SLFN13: variants seen among roughly 807,000 people sequenced by gnomAD.
The protein encoded by SLFN13 is schlafen-13.
A neutral mutation model predicts 50.6 loss-of-function variants in SLFN13; 43 were observed. The ratio of observed to expected loss-of-function variants is 0.85; its 90% CI spans 0.67 to 1.09. The LOEUF (loss-of-function observed/expected upper bound fraction) is 1.09, where lower values mean the gene tolerates loss of function less well. Ranked by LOEUF, SLFN13 falls within the 50% of genes least tolerant of loss-of-function variation. The probability of loss-of-function intolerance (pLI) is 0.00; values close to 1 mark genes in which losing one functional copy is unlikely to be tolerated. For missense variants in SLFN13, 881 were observed against 1,071.1 expected (o/e 0.82, Z 2.48); for synonymous variants, 339 against 386.5 (o/e 0.88, Z 1.44).
chr17:35,442,978 T>C (rs1913002858), intron 4 of SLFN13, among the ~76,000 whole-genome samples: 1 of 152,258 alleles, frequency 6.6e-6, no homozygotes, highest in African/African-American at 2.4e-5. Flanking sequence ...AGAAACTATT[T>C]GGTGGTAAAC....
At position 35,441,109 on chromosome 17, in the gene SLFN13, A is replaced by G. The variant is rs370000011; in HGVS notation, c.2180T>C (p.Leu727Pro). ...PLSAQYPREE[L>P]TRVVRNADEI... ...ATCTGCATTGCGAACTACTCTGGTG[A>G]GCTCTTCTCTTGGATACTGTGCTGA... The change falls in exon 6 of 6, where the codon CTC (leucine) becomes CCC (proline). Residue 727 changes from leucine (L) to proline (P), a missense_variant. Physicochemically the swap from Leu to Pro is moderately conservative, Grantham distance 98 (BLOSUM62 -3). This residue lies in a region of SLFN13 where 322 missense variants were observed against 327.4 expected (regional missense o/e 0.98). Transcript: ENST00000285013. 4 of 1,613,994 alleles carry G rather than the reference A, an allele frequency of 2.5e-6. No individual in the cohort carries two copies. Among genetic ancestry groups the G allele is most frequent in the Non-Finnish European group, 2.5e-6 (3 of 1,180,000 alleles).
chr17:35,443,941 A>G, intron 3 of SLFN13, 21 bp from the exon 4 acceptor site: 1 of 1,609,814 alleles, frequency 6.2e-7, no homozygotes, highest in South Asian at 1.1e-5. Flanking sequence ...GAACATTTTA[A>G]TTTACACTAT....
rs199763727 is a variant in SLFN13, at chr17:35,445,318, A to G, written c.363T>C (p.Gly121=). 33 of 1,613,854 alleles carry G rather than the reference A, an allele frequency of 2.0e-5. No homozygotes were observed. The East Asian group carries it at 5.6e-4, about 27-fold the overall frequency. The change falls in exon 3 of 6, where the codon GGT becomes GGC. Residue 121 remains glycine, a synonymous_variant. Transcript: ENST00000285013. Reference sequence around the variant, plus strand: ...GGCTGCAAATGCGGGAATTGAAAGAACCATCTTTAAGGAAAGGATCACCAC... The same window carrying G: ...GGCTGCAAATGCGGGAATTGAAAGAGCCATCTTTAAGGAAAGGATCACCAC... ...SWSGDPFLKD[G]SFNSRICSLS...
rs988023482 is a variant in SLFN13 at position 35,437,953 on chromosome 17, C to G, written c.*2642G>C. 2.6e-5 allele frequency: 4 copies of G among 151,954 alleles called. No individual in the cohort carries two copies. The highest frequency in any genetic ancestry group is 9.7e-5 in the African/African-American group (4 of 41,386). 9.4% of individuals were successfully genotyped at this position (151,954 alleles called of 1,614,324 possible). A position where few individuals can be genotyped will look rare whatever the true frequency, so the allele number is the denominator to read the frequency against. ...GAGATAGGCAGGTACCCATCAAAAC[C>G]CAATTAAGCCTGACACAGTGGCTCA... On this transcript the variant is annotated 3_prime_UTR_variant, in exon 6 of 6. Coordinates refer to ENST00000285013, the MANE Select transcript of SLFN13 (RefSeq NM_144682.6).
intron 2 of SLFN13, chr17:35,446,578 CAGAT>C (rs1913226782): frequency 6.6e-6 from 1 of 152,202 alleles, no homozygotes; most frequent in African/African-American, 2.4e-5. Flanking sequence ...AAGATTAACT[CAGAT>C]AGTTTACAAC....
chr17:35,439,298 T>A lies in SLFN13; in HGVS notation c.*1297A>T, dbSNP rs985213486. 2.6e-5 allele frequency: 4 copies of A among 152,048 alleles called. No homozygotes were observed. The highest frequency in any genetic ancestry group is 1.5e-5 in the Non-Finnish European group (1 of 68,018). The allele number at this position is 152,048 out of a possible 1,614,324, so 9.4% of individuals were successfully genotyped here. A position where few individuals can be genotyped will look rare whatever the true frequency, so the allele number is the denominator to read the frequency against. ...AGGTTGGGGCTTCAACATGGGAATTTAGGGGTGAGGATGGGACACAAACAT... is the reference window on the plus strand; with the variant it reads ...AGGTTGGGGCTTCAACATGGGAATTAAGGGGTGAGGATGGGACACAAACAT... On this transcript the variant is annotated 3_prime_UTR_variant, in exon 6 of 6. Coordinates refer to ENST00000285013, the MANE Select transcript of SLFN13 (RefSeq NM_144682.6).
Position 35,440,426 on chromosome 17 carries a change from A to C in SLFN13, c.*169T>G. 1.3e-6 allele frequency: 1 copy of C among 760,934 alleles called. No homozygotes were observed. The allele number at this position is 760,934 out of a possible 1,614,324, so 47.1% of individuals were successfully genotyped here. On this transcript the variant is annotated 3_prime_UTR_variant, in exon 6 of 6. Coordinates refer to ENST00000285013, the MANE Select transcript of SLFN13 (RefSeq NM_144682.6). Reference sequence around the variant, plus strand: ...ACTGCTGAAAAGAGTTGGGGGAGGAACCCCTGAAAGGAGAGCCAGAAATGG... The same window carrying C: ...ACTGCTGAAAAGAGTTGGGGGAGGACCCCCTGAAAGGAGAGCCAGAAATGG...
At chr17:35,442,318 A>T (rs1462552467) in intron 4 of SLFN13, 32 bp from the exon 5 acceptor site, 2 of 1,531,136 alleles carry the variant, frequency 1.3e-6, no homozygotes, top group Non-Finnish European at 1.8e-6. Context: ...AGATGTTTTC[A>T]CTGTGTTTAT....
At chr17:35,444,217 G>T (rs1306590051) in intron 3 of SLFN13, among the ~76,000 whole-genome samples, 1 of 152,114 alleles carries the variant, frequency 6.6e-6, no homozygotes, top group East Asian at 1.9e-4. Context: ...TAATCATCAG[G>T]TTTTTATATC....
In SLFN13 at chr17:35,440,696, C is replaced by T. The variant is rs2142073856; in HGVS notation, c.2593G>A (p.Val865Met). 1.2e-6 allele frequency: 2 copies of T among 1,614,132 alleles called. No homozygotes were observed. The highest frequency in any genetic ancestry group is 8.5e-7 in the Non-Finnish European group (1 of 1,180,024). Residue 865 changes from valine to methionine, a missense_variant, in exon 6 of 6, where the codon GTG (valine) becomes ATG (methionine). Coordinates refer to ENST00000285013, the MANE Select transcript of SLFN13 (RefSeq NM_144682.6). ...RRFSGLERSIVFGIHPRTADP... is the reference protein window; with the variant it reads ...RRFSGLERSIMFGIHPRTADP... ...GCTGTCCTTGGATGGATCCCAAACA[C>T]TATGCTCCTTTCCAGGCCTGAGAAT... is the stretch of plus-strand genomic sequence containing the variant.
At position 35,439,002 on chromosome 17, in the gene SLFN13, T is replaced by G. The variant is rs1443042150; in HGVS notation, c.*1593A>C. On this transcript the variant is annotated 3_prime_UTR_variant, in exon 6 of 6. Transcript: ENST00000285013. ...ACTGGATGGCTGAACCAACAGAAAT[T>G]TATTTCTCACAGTCTGGGGGCTGGA... 2 of 148,822 alleles carry G rather than the reference T, an allele frequency of 1.3e-5. No individual in the cohort carries two copies. Among genetic ancestry groups the G allele is most frequent in the African/African-American group, 4.9e-5 (2 of 40,548 alleles). The allele number at this position is 148,822 out of a possible 1,614,324, so 9.2% of individuals were successfully genotyped here.
rs752712237 is a variant in SLFN13, at chr17:35,445,125, A to T, written c.556T>A (p.Ser186Thr). 1.2e-5 allele frequency: 20 copies of T among 1,613,430 alleles called. No individual in the cohort carries two copies. The Admixed American group carries it at 3.3e-4, about 27-fold the overall frequency. ...TGGAAAACTTCATATGCAGGATTTG[A>T]CTCAGATATGTTCTGGTATACAGCT... ...MKAVYQNISE[S>T]NPAYEVFQTD... The change falls in exon 3 of 6, where the codon TCA (serine) becomes ACA (threonine). Residue 186 changes from serine to threonine, a missense_variant. By Grantham distance (58) the Ser-to-Thr change is moderately conservative. Around this residue, in one of 5 missense-constraint regions of SLFN13, gnomAD observed 497 missense variants for 518.3 expected, o/e 0.96. Coordinates refer to ENST00000285013, the MANE Select transcript of SLFN13 (RefSeq NM_144682.6).
rs1201645922 is a variant in SLFN13 at position 35,438,058 on chromosome 17, T to C, written c.*2537A>G. 3 of 149,012 alleles carry C rather than the reference T, an allele frequency of 2.0e-5. No homozygotes were observed. The highest frequency in any genetic ancestry group is 4.4e-5 in the Non-Finnish European group (3 of 67,742). 9.2% of individuals were successfully genotyped at this position (149,012 alleles called of 1,614,324 possible). ...AGTTCAGGGCTCTAGTGAACTATGATCACACCACTACCCTCCAGCCTGGGA... is the reference window on the plus strand; with the variant it reads ...AGTTCAGGGCTCTAGTGAACTATGACCACACCACTACCCTCCAGCCTGGGA... On this transcript the variant is annotated 3_prime_UTR_variant, in exon 6 of 6. Coordinates refer to ENST00000285013, the MANE Select transcript of SLFN13 (RefSeq NM_144682.6).
In SLFN13 at chr17:35,436,450, T is replaced by C. The variant is rs1428463413; in HGVS notation, c.*4145A>G. The C allele has an allele frequency of 6.6e-6, 1 of 151,376 alleles. No homozygotes were observed. The highest frequency in any genetic ancestry group is 2.4e-5 in the African/African-American group (1 of 41,036). 9.4% of individuals were successfully genotyped at this position (151,376 alleles called of 1,614,324 possible). ...TTTAATTAGAAAAAAATCTCAAATA[T>C]TATGCGTTCAGAAGCAAAAACACCC... On this transcript the variant is annotated 3_prime_UTR_variant, in exon 6 of 6. Transcript: ENST00000285013.
In SLFN13 at chr17:35,445,587, TTC is replaced by T. The variant is rs779915260; in HGVS notation, c.92_93del (p.Arg31LysfsTer39). On this transcript the variant is annotated frameshift_variant, in exon 3 of 6. Coordinates refer to ENST00000285013, the MANE Select transcript of SLFN13 (RefSeq NM_144682.6). LOFTEE classifies it high-confidence loss of function. ...TCTCTCTGAGTTTTCTGTAGCTTTT[TTC>T]TGTTTTCTTCTCCCAGAGTCACTTC... ...VGEVTLGEEN[R>X]KKLQKTQRDQ... is the part of the protein sequence containing the mutation. 3.1e-6 allele frequency: 5 copies of T among 1,614,172 alleles called. No homozygotes were observed. In the South Asian group the frequency reaches 4.4e-5, roughly 14 times the overall value.
At position 35,445,961 on chromosome 17, in the gene SLFN13, T is replaced by C. The variant is rs570793632; in HGVS notation, c.-13-268A>G. On this transcript the variant is annotated intron_variant, in intron 2 of 5. Coordinates refer to ENST00000285013, the MANE Select transcript of SLFN13 (RefSeq NM_144682.6). Reference sequence around the variant, plus strand: ...AACGAATCTGGAGACCATGGTTCCATAAGACTTCCAGGAGTAGGTTCCATT... The same window carrying C: ...AACGAATCTGGAGACCATGGTTCCACAAGACTTCCAGGAGTAGGTTCCATT... The C allele has an allele frequency of 1.8e-4, 52 of 294,390 alleles. 1 individual carries two copies. The South Asian group carries it at 3.9e-3, about 22-fold the overall frequency. 18.2% of individuals were successfully genotyped at this position (294,390 alleles called of 1,614,324 possible). A position where few individuals can be genotyped will look rare whatever the true frequency, so the allele number is the denominator to read the frequency against.
Position 35,441,138 on chromosome 17 carries a change from AG to A in SLFN13, c.2150del (p.Pro717LeufsTer14), listed in dbSNP as rs35203474. On this transcript the variant is annotated frameshift_variant, in exon 6 of 6. Coordinates refer to ENST00000285013, the MANE Select transcript of SLFN13 (RefSeq NM_144682.6). LOFTEE classifies it low-confidence loss of function (END_TRUNC). ...TSHLGHSGLP[P>X]LSAQYPREEL... ...CTTCTCTTGGATACTGTGCTGAGAG[AG>A]GGGGAAGGCCACTGTGACCCAAGTG... is the stretch of plus-strand genomic sequence containing the variant. 6.2e-7 allele frequency: 1 copy of A among 1,614,018 alleles called. No individual in the cohort carries two copies.
At position 35,445,538 on chromosome 17, in the gene SLFN13, C is replaced by T. The variant is rs1241432264; in HGVS notation, c.143G>A (p.Arg48Gln). 3.7e-6 allele frequency: 6 copies of T among 1,613,956 alleles called. No individual in the cohort carries two copies. The highest frequency in any genetic ancestry group is 3.3e-5 in the Admixed American group (2 of 60,000). The change falls in exon 3 of 6, where the codon CGG (arginine) becomes CAG (glutamine). Residue 48 changes from arginine (R) to glutamine (Q), a missense_variant. Arg to Gln is a conservative substitution (Grantham distance 43). Transcript: ENST00000285013. Reference sequence around the variant, plus strand: ...TGAGTTTAATAAAGCACACGCGGCCCGTATAACTCTCGCCCTCTCTTGGTC... The same window carrying T: ...TGAGTTTAATAAAGCACACGCGGCCTGTATAACTCTCGCCCTCTCTTGGTC... ...QRDQERARVI[R>Q]AACALLNSGG...
In SLFN13 at chr17:35,435,182, C is replaced by T. The variant is rs1912613672; in HGVS notation, c.*5413G>A. 6.6e-6 allele frequency: 1 copy of T among 152,022 alleles called. No individual in the cohort carries two copies. The allele number at this position is 152,022 out of a possible 1,614,324, so 9.4% of individuals were successfully genotyped here. A position where few individuals can be genotyped will look rare whatever the true frequency, so the allele number is the denominator to read the frequency against. Reference sequence around the variant, plus strand: ...AAGGTATAAAGAACAAAAGTATGAACATCTGTGAACCCCTTACACGGCTAA... The same window carrying T: ...AAGGTATAAAGAACAAAAGTATGAATATCTGTGAACCCCTTACACGGCTAA... On this transcript the variant is annotated 3_prime_UTR_variant, in exon 6 of 6. Transcript: ENST00000285013.
Sources: allele counts gnomAD v4.1 joint callset (sites outside exome capture counted in the v4.1 genomes callset), GRCh38; gene constraint gnomAD v4.1.1; regional missense constraint gnomAD v4.1.1; transcripts MANE v1.5; gene names NCBI Gene and HGNC (gene_info 2026-07-23, HGNC 2026-07-21).